CAMKMT: variants seen among roughly 807,000 people sequenced by gnomAD.
CAMKMT encodes calmodulin-lysine N-methyltransferase.
A neutral mutation model predicts 48.0 loss-of-function variants in CAMKMT; 53 were observed. The observed-to-expected ratio is 1.10, with a 90% CI of 0.89 to 1.39. The LOEUF (loss-of-function observed/expected upper bound fraction) is 1.39, where lower values mean the gene tolerates loss of function less well. CAMKMT is among the 40% of genes most tolerant of loss of function. The pLI is 0.00. For synonymous variants in CAMKMT, 165 were observed against 152.3 expected, an observed-to-expected ratio of 1.08 and a Z score of -0.61; for missense variants, 428 against 402.7, an observed-to-expected ratio of 1.06 and a Z score of -0.54.
chr2:44,365,883 A>G (rs1234313382), intron 1 of CAMKMT, among the ~76,000 whole-genome samples: 1 of 152,240 alleles, frequency 6.6e-6, no homozygotes, highest in African/African-American at 2.4e-5. Context: ...ATTATGGAAT[A>G]TTTCACAGTT....
intron 7 of CAMKMT, among the ~76,000 whole-genome samples, chr2:44,742,244 C>T (rs372748879): frequency 1.5e-4 from 23 of 152,286 alleles, no homozygotes; most frequent in South Asian, 6.2e-4. Context: ...CCGTAAACAA[C>T]GTAAGCATTG....
intron 3 of CAMKMT, among the ~76,000 whole-genome samples, chr2:44,700,922 T>C (rs889904272): frequency 3.9e-5 from 6 of 151,936 alleles, no homozygotes; most frequent in Non-Finnish European, 5.9e-5. Flanking sequence ...TAAAATGGAG[T>C]ATTGCCTGTA....
chr2:44,647,039 C>A lies in CAMKMT; in HGVS notation c.377-57244C>A, dbSNP rs538356399. ...CTTGGCCGGGCGCGGTGGCTCACGC[C>A]TGTAATTCCAGCACTTTGGGAGGCC... On this transcript the variant is annotated intron_variant, in intron 3 of 10. Transcript: ENST00000378494. Among the ~76,000 whole-genome samples, 3 of 152,306 alleles carry A rather than the reference C, an allele frequency of 2.0e-5. No individual in the cohort carries two copies. In the East Asian group the frequency reaches 5.8e-4, roughly 29 times the overall value.
At chr2:44,667,847 C>T (rs1170058087) in intron 3 of CAMKMT, among the ~76,000 whole-genome samples, 1 of 152,182 alleles carries the variant, frequency 6.6e-6, no homozygotes, top group Non-Finnish European at 1.5e-5. Flanking sequence ...TTTTTCATTG[C>T]TCATCACTCC....
chr2:44,639,269 A>G (rs947662534), intron 3 of CAMKMT, among the ~76,000 whole-genome samples: 1 of 152,254 alleles, frequency 6.6e-6, no homozygotes, highest in Non-Finnish European at 1.5e-5. Flanking sequence ...CAATGAGCTT[A>G]TATCAAGGTA....
At chr2:44,644,159 C>A (rs1673604210) in intron 3 of CAMKMT, among the ~76,000 whole-genome samples, 1 of 152,200 alleles carries the variant, frequency 6.6e-6, no homozygotes, top group Non-Finnish European at 1.5e-5. Flanking sequence ...TGAATCCAGT[C>A]TTGAGCTGTC....
At chr2:44,737,234 G>GCCCC (rs920040602) in intron 7 of CAMKMT, among the ~76,000 whole-genome samples, 1 of 151,974 alleles carries the variant, frequency 6.6e-6, no homozygotes, top group African/African-American at 2.4e-5. Context: ...TCCCTTCTCA[G>GCCCC]CCCCCCAGGT....
chr2:44,713,637 T>G (rs1678003692), intron 6 of CAMKMT, among the ~76,000 whole-genome samples: 1 of 152,110 alleles, frequency 6.6e-6, no homozygotes, highest in South Asian at 2.1e-4. Flanking sequence ...TACAGGAAAG[T>G]TCACCCAGGA....
intron 3 of CAMKMT, among the ~76,000 whole-genome samples, chr2:44,429,003 A>G (rs1440714774): frequency 6.6e-6 from 1 of 152,194 alleles, no homozygotes; most frequent in East Asian, 1.9e-4. Context: ...CTTTGAGTCT[A>G]AGAAATATAT....
intron 3 of CAMKMT, among the ~76,000 whole-genome samples, chr2:44,410,779 G>A (rs1683149838): frequency 6.6e-6 from 1 of 152,280 alleles, no homozygotes; most frequent in South Asian, 2.1e-4. Context: ...TAATGGGATA[G>A]CAATATACCC....
At chr2:44,528,630 G>T (rs1401700201) in intron 3 of CAMKMT, among the ~76,000 whole-genome samples, 1 of 152,010 alleles carries the variant, frequency 6.6e-6, no homozygotes, top group East Asian at 1.9e-4. Flanking sequence ...TTTATTGTCA[G>T]TTTGTTTGAA....
At chr2:44,765,929 G>A (rs936473330) in intron 9 of CAMKMT, among the ~76,000 whole-genome samples, 2 of 152,274 alleles carry the variant, frequency 1.3e-5, no homozygotes, top group East Asian at 3.9e-4. Context: ...CTCTCCAAGA[G>A]GAATTGTGGT....
intron 3 of CAMKMT, among the ~76,000 whole-genome samples, chr2:44,412,739 A>T (rs867514894): frequency 2.6e-5 from 4 of 152,184 alleles, no homozygotes; most frequent in Non-Finnish European, 5.9e-5. Context: ...AGCAATAGGA[A>T]ACATCCTCAA....
chr2:44,748,105 T>C (rs1416758149), intron 8 of CAMKMT, among the ~76,000 whole-genome samples: 2 of 152,142 alleles, frequency 1.3e-5, no homozygotes, highest in African/African-American at 4.8e-5. Flanking sequence ...CTAAAACACA[T>C]TGAAATTGCT....
chr2:44,754,249 A>G lies in CAMKMT; in HGVS notation c.762+131A>G, dbSNP rs569380096. 142 of 684,672 alleles carry G rather than the reference A, an allele frequency of 2.1e-4. 1 individual carries two copies. The African/African-American group carries it at 2.1e-3, about 10-fold the overall frequency. 42.4% of individuals were successfully genotyped at this position (684,672 alleles called of 1,614,324 possible). On this transcript the variant is annotated intron_variant, in intron 9 of 10. Transcript: ENST00000378494. The stretch of plus-strand genomic sequence containing the variant: ...TTAATACTTATTATGTCCAACTTCA[A>G]TTGGGTCTTCTGATCTATTAGATTC...
intron 3 of CAMKMT, among the ~76,000 whole-genome samples, chr2:44,432,280 G>C (rs1032286300): frequency 6.6e-6 from 1 of 152,068 alleles, no homozygotes; most frequent in African/African-American, 2.4e-5. Flanking sequence ...CCCTGCACAC[G>C]GGTAATAATA....
chr2:44,646,320 T>C (rs1014067983), intron 3 of CAMKMT, among the ~76,000 whole-genome samples: 4 of 152,158 alleles, frequency 2.6e-5, no homozygotes, highest in African/African-American at 9.7e-5. Context: ...TTTTTGTTTT[T>C]TGTTTTTTTT....
intron 7 of CAMKMT, among the ~76,000 whole-genome samples, chr2:44,722,932 G>A (rs1678550079): frequency 6.6e-6 from 1 of 152,098 alleles, no homozygotes; most frequent in Non-Finnish European, 1.5e-5. Context: ...GAATATACTG[G>A]TCCCCAGCAT....
intron 3 of CAMKMT, among the ~76,000 whole-genome samples, chr2:44,680,890 T>A (rs1675980162): frequency 6.6e-6 from 1 of 152,194 alleles, no homozygotes; most frequent in African/African-American, 2.4e-5. Context: ...GCCACCCGAA[T>A]GTGCAGTTTC....
Sources: gnomAD v4.1 joint callset for allele counts (sites outside exome capture counted in the v4.1 genomes callset) on GRCh38, gnomAD v4.1.1 for gene constraint, MANE v1.5 for transcripts, NCBI Gene and HGNC (gene_info 2026-07-23, HGNC 2026-07-21) for gene names.